The following SPTLC2 variants were observed in gnomAD, a reference collection of about 807,000 sequenced individuals.
SPTLC2 encodes serine palmitoyltransferase long chain base subunit 2.
In SPTLC2, 21 loss-of-function variants were observed where a neutral mutation model predicts 62.0. The ratio of observed to expected loss-of-function variants is 0.34; its 90% CI spans 0.24 to 0.49. The LOEUF (loss-of-function observed/expected upper bound fraction) is 0.49, where lower values mean the gene tolerates loss of function less well. Ranked by LOEUF, SPTLC2 falls within the 20% of genes least tolerant of loss-of-function variation. The pLI is 0.99. For synonymous variants in SPTLC2, 261 were observed against 261.8 expected (o/e 1.00, Z 0.03); for missense variants, 511 against 713.0 (o/e 0.72, Z 3.23).
intron 3 of SPTLC2, 31 bp from the exon 4 acceptor site, chr14:77,576,946 T>C (rs1212779917): frequency 6.2e-7 from 1 of 1,612,700 alleles, no homozygotes; most frequent in Non-Finnish European, 8.5e-7. Context: ...ACAATGAAAC[T>C]CATGAGCAAA....
At chr14:77,576,176 G>A (rs567113712) in intron 4 of SPTLC2, among the ~76,000 whole-genome samples, 23 of 152,326 alleles carry the variant, frequency 1.5e-4, no homozygotes, top group African/African-American at 5.3e-4. Context: ...AACTTCCAGG[G>A]TTGTCAGTTC....
chr14:77,537,165 G>A (rs149990119), intron 9 of SPTLC2, among the ~76,000 whole-genome samples: 7 of 151,872 alleles, frequency 4.6e-5, no homozygotes, highest in East Asian at 3.9e-4. Context: ...TGATCTACCC[G>A]CCTCTGCCTC....
intron 9 of SPTLC2, among the ~76,000 whole-genome samples, chr14:77,523,834 CA>C (rs1441372517): frequency 6.6e-6 from 1 of 152,068 alleles, no homozygotes; most frequent in Non-Finnish European, 1.5e-5. Context: ...ATTCCAAGAA[CA>C]AAGTCCAACA....
Position 77,509,872 on chromosome 14 carries a change from G to A in SPTLC2, c.*2412C>T, listed in dbSNP as rs186176830. On this transcript the variant is annotated 3_prime_UTR_variant, in exon 12 of 12. Coordinates refer to ENST00000216484, the MANE Select transcript of SPTLC2 (RefSeq NM_004863.4). ...ATTACACTTATCTTGAAATAACTTT[G>A]TACCAACAAAGTGATATAGATATAT... The A allele has an allele frequency of 2.5e-6, 1 of 398,362 alleles. No homozygotes were observed. The highest frequency in any genetic ancestry group is 4.4e-6 in the Non-Finnish European group (1 of 225,938). 24.7% of individuals were successfully genotyped at this position (398,362 alleles called of 1,614,324 possible).
In SPTLC2 at chr14:77,508,719, T is replaced by TGCAG. The variant is rs2079317934; in HGVS notation, c.*3561_*3564dup. ...GGCTGAACTAGTTGAGAAATTTAGA[T>TGCAG]GCAGGCTCCCTTAGGTAATGAAGAA... On this transcript the variant is annotated 3_prime_UTR_variant, in exon 12 of 12. Transcript: ENST00000216484. The TGCAG allele has an allele frequency of 6.6e-6, 1 of 152,172 alleles. No individual in the cohort carries two copies. Among genetic ancestry groups the TGCAG allele is most frequent in the Non-Finnish European group, 1.5e-5 (1 of 68,030 alleles). 9.4% of individuals were successfully genotyped at this position (152,172 alleles called of 1,614,324 possible). A position where few individuals can be genotyped will look rare whatever the true frequency, so the allele number is the denominator to read the frequency against.
rs1481763108 is a variant in SPTLC2, at chr14:77,508,730, T to G, written c.*3554A>C. On this transcript the variant is annotated 3_prime_UTR_variant, in exon 12 of 12. Transcript: ENST00000216484. ...TTGAGAAATTTAGATGCAGGCTCCC[T>G]TAGGTAATGAAGAAATTTGAAAAAA... 6.6e-6 allele frequency: 1 copy of G among 152,100 alleles called. No homozygotes were observed. Among genetic ancestry groups the G allele is most frequent in the Non-Finnish European group, 1.5e-5 (1 of 68,020 alleles). The allele number at this position is 152,100 out of a possible 1,614,324, so 9.4% of individuals were successfully genotyped here. A position where few individuals can be genotyped will look rare whatever the true frequency, so the allele number is the denominator to read the frequency against.
chr14:77,518,251 ACT>A (rs1271678238), intron 10 of SPTLC2, 84 bp from the exon 11 acceptor site: 7 of 1,590,860 alleles, frequency 4.4e-6, no homozygotes, highest in Non-Finnish European at 6.0e-6. Flanking sequence ...AAAGATTTCA[ACT>A]CTTTGGTGAT....
intron 2 of SPTLC2, among the ~76,000 whole-genome samples, chr14:77,591,814 C>T (rs1036586304): frequency 2.0e-5 from 3 of 152,100 alleles, no homozygotes; most frequent in Non-Finnish European, 2.9e-5. Context: ...ACCTCCACCT[C>T]TCTGGTTCAA....
At position 77,569,770 on chromosome 14, in the gene SPTLC2, T is replaced by C. The variant is rs553401472; in HGVS notation, c.756+614A>G. On this transcript the variant is annotated intron_variant, in intron 5 of 11. Transcript: ENST00000216484. ...CCCACTTGGGGATATATATATTATATATATAATATGTAATATGTAATATAT... is the reference window on the plus strand; with the variant it reads ...CCCACTTGGGGATATATATATTATACATATAATATGTAATATGTAATATAT... Among the ~76,000 whole-genome samples the C allele has an allele frequency of 7.0e-4, 63 of 90,058 alleles. No homozygotes were observed. In the Middle Eastern group the frequency reaches 0.015, roughly 21 times the overall value. The allele number at this position is 90,058 out of a possible 152,430, so 59.1% of individuals were successfully genotyped here.
chr14:77,515,054 TTGAAAACAAATTG>T (rs2079352064), intron 11 of SPTLC2, among the ~76,000 whole-genome samples: 2 of 152,256 alleles, frequency 1.3e-5, no homozygotes, highest in Non-Finnish European at 2.9e-5. Context: ...GGCTCCCTTG[TTGAAAACAAATTG>T]GCCATAGATG....
intron 5 of SPTLC2, among the ~76,000 whole-genome samples, chr14:77,563,718 G>C (rs1433544461): frequency 6.6e-6 from 1 of 152,100 alleles, no homozygotes; most frequent in Non-Finnish European, 1.5e-5. Flanking sequence ...GAGACACTGT[G>C]CCTGGCTGAA....
chr14:77,575,870 G>A (rs1004073056), intron 4 of SPTLC2, among the ~76,000 whole-genome samples: 4 of 152,152 alleles, frequency 2.6e-5, no homozygotes, highest in African/African-American at 9.7e-5. Context: ...CTAGAGGCCT[G>A]CAGCCATGCA....
At chr14:77,557,465 T>C (rs1311556324) in intron 6 of SPTLC2, 2 of 363,012 alleles carry the variant, frequency 5.5e-6, no homozygotes, top group Admixed American at 4.1e-5. Context: ...TGTGTGTTTA[T>C]CGAAAAATAC....
At chr14:77,517,814 G>C (rs530126996) in intron 11 of SPTLC2, among the ~76,000 whole-genome samples, 1 of 152,278 alleles carries the variant, frequency 6.6e-6, no homozygotes, top group Non-Finnish European at 1.5e-5. Context: ...TAGTGAGGGA[G>C]ACAGTAGAGC....
At chr14:77,575,602 G>A (rs567379131) in intron 4 of SPTLC2, among the ~76,000 whole-genome samples, 1 of 152,320 alleles carries the variant, frequency 6.6e-6, no homozygotes, top group African/African-American at 2.4e-5. Context: ...CACGATCATA[G>A]CTCACTGCAG....
At chr14:77,597,165 C>A in intron 2 of SPTLC2, 21 bp downstream of exon 2, 1 of 1,611,674 alleles carries the variant, frequency 6.2e-7, no homozygotes, top group South Asian at 1.1e-5. Context: ...TTTACAGAAT[C>A]AAAAACTCTC....
chr14:77,517,930 C>T (rs926876182), intron 11 of SPTLC2, 108 bp downstream of exon 11: 10 of 1,564,012 alleles, frequency 6.4e-6, no homozygotes, highest in Non-Finnish European at 7.9e-6. Context: ...CCCCCTCTGT[C>T]TTAGGTGCTC....
At chr14:77,580,353 G>A (rs965486278) in intron 2 of SPTLC2, among the ~76,000 whole-genome samples, 19 of 151,482 alleles carry the variant, frequency 1.3e-4, no homozygotes, top group African/African-American at 2.4e-5. Flanking sequence ...ATGGTGGCGG[G>A]TGCCTGTAAT....
intron 9 of SPTLC2, among the ~76,000 whole-genome samples, chr14:77,543,358 A>G (rs2079511702): frequency 1.3e-5 from 2 of 152,074 alleles, no homozygotes; most frequent in Admixed American, 6.5e-5. Context: ...GGGCTGGAAC[A>G]TATCACAGGC....
Sources: gnomAD v4.1 joint callset for allele counts (sites outside exome capture counted in the v4.1 genomes callset) on GRCh38, gnomAD v4.1.1 for gene constraint, MANE v1.5 for transcripts, NCBI Gene and HGNC (gene_info 2026-07-23, HGNC 2026-07-21) for gene names.